KCNN4: variants seen among roughly 807,000 people sequenced by gnomAD.
KCNN4 encodes intermediate conductance calcium-activated potassium channel protein 4.
Under a neutral mutation model 45.2 loss-of-function variants are expected in KCNN4, and 31 were observed. The ratio of observed to expected loss-of-function variants is 0.69; its 90% CI spans 0.52 to 0.92. The LOEUF (loss-of-function observed/expected upper bound fraction) is 0.92. Ranked by LOEUF, KCNN4 falls within the 40% of genes least tolerant of loss-of-function variation. The pLI, the probability that KCNN4 is intolerant of heterozygous loss-of-function variation, is 0.00. For missense variants in KCNN4, 463 were observed against 574.0 expected (o/e 0.81, Z 1.98); for synonymous variants, 231 against 254.6 (o/e 0.91, Z 0.88).
In KCNN4 at chr19:43,774,120, A is replaced by AGGGGG; in HGVS notation, c.683+71_683+72insCCCCC. On this transcript the variant is annotated intron_variant, in intron 3 of 8. Transcript: ENST00000648319. This position sits in a 1 kb window ranked among gnomAD's most constrained non-coding sequence, Gnocchi z 5.6. ...TTGGTCCTAGGGGGCCTCAACCTGC[A>AGGGGG]CCGCGGCACAGGACGGCCGCCGTGG... The AGGGGG allele has an allele frequency of 6.8e-7, 1 of 1,459,948 alleles. No homozygotes were observed. Among genetic ancestry groups the AGGGGG allele is most frequent in the Non-Finnish European group, 9.3e-7 (1 of 1,078,980 alleles). The allele number at this position is 1,459,948 out of a possible 1,614,324, so 90.4% of individuals were successfully genotyped here.
In KCNN4 at chr19:43,772,180, T is replaced by G; in HGVS notation, c.684-45A>C. 6.2e-7 allele frequency: 1 copy of G among 1,601,756 alleles called. No individual in the cohort carries two copies. The highest frequency in any genetic ancestry group is 1.1e-5 in the South Asian group (1 of 89,140). ...AGTTCTAAAACCCCACCATAGAGGT[T>G]TCCATGATATTCACTCCCCTTCCCT... On this transcript the variant is annotated intron_variant, in intron 3 of 8. Coordinates refer to ENST00000648319, the MANE Select transcript of KCNN4 (RefSeq NM_002250.3). The surrounding 1 kb of genome is among the most constrained non-coding windows in gnomAD (Gnocchi z 4.4).
chr19:43,776,506 G>A (rs1025561059), intron 2 of KCNN4, 35 bp downstream of exon 2: 3 of 1,431,960 alleles, frequency 2.1e-6, no homozygotes, highest in Non-Finnish European at 3.0e-6. Flanking sequence ...GAGGGGGTTG[G>A]AGGGAGCAAG....
In KCNN4 at chr19:43,774,130, A is replaced by G. The variant is rs1037182362; in HGVS notation, c.683+62T>C. ...GGGGCCTCAACCTGCACCGCGGCAC[A>G]GGACGGCCGCCGTGGCTGTCCGGGG... On this transcript the variant is annotated intron_variant, in intron 3 of 8. Coordinates refer to ENST00000648319, the MANE Select transcript of KCNN4 (RefSeq NM_002250.3). This position sits in a 1 kb window ranked among gnomAD's most constrained non-coding sequence, Gnocchi z 5.6. 6.6e-7 allele frequency: 1 copy of G among 1,504,612 alleles called. No individual in the cohort carries two copies. The highest frequency in any genetic ancestry group is 2.0e-5 in the Admixed American group (1 of 50,850). The allele number at this position is 1,504,612 out of a possible 1,614,324, so 93.2% of individuals were successfully genotyped here. A position where few individuals can be genotyped will look rare whatever the true frequency, so the allele number is the denominator to read the frequency against.
chr19:43,774,382 G>A lies in KCNN4; in HGVS notation c.493C>T (p.Arg165Cys). Residue 165 changes from arginine (R) to cysteine (C), a missense_variant, in exon 3 of 9, where the codon CGC becomes TGC. Arg to Cys is a radical substitution (Grantham distance 180). Transcript: ENST00000648319. This position sits in a 1 kb window ranked among gnomAD's most constrained non-coding sequence, Gnocchi z 5.6. ...AMLLRLYLVP[R>C]AVLLRSGVLL... The stretch of plus-strand genomic sequence containing the variant: ...ACGCCGCTGCGCAGGAGCACGGCGC[G>A]GGGCACCAGGTAGAGACGCAGCAGC... 6.2e-7 allele frequency: 1 copy of A among 1,603,056 alleles called. No individual in the cohort carries two copies. Among genetic ancestry groups the A allele is most frequent in the Non-Finnish European group, 8.5e-7 (1 of 1,175,170 alleles).
rs572409216 is a variant in KCNN4 at position 43,779,723 on chromosome 19, A to G, written c.159+980T>C. On this transcript the variant is annotated intron_variant, in intron 1 of 8. Coordinates refer to ENST00000648319, the MANE Select transcript of KCNN4 (RefSeq NM_002250.3). Reference sequence around the variant, plus strand: ...CTTTCCCCTTTCTTCCCTACTCACCACTCATCTTCGGAGTCAGCCCCTCTT... The same window carrying G: ...CTTTCCCCTTTCTTCCCTACTCACCGCTCATCTTCGGAGTCAGCCCCTCTT... Among the ~76,000 whole-genome samples the G allele has an allele frequency of 2.0e-5, 3 of 151,080 alleles. No homozygotes were observed. In the South Asian group the frequency reaches 6.3e-4, roughly 32 times the overall value.
At chr19:43,771,167 T>C (rs1186386935) in intron 4 of KCNN4, among the ~76,000 whole-genome samples, 2 of 151,764 alleles carry the variant, frequency 1.3e-5, no homozygotes, top group Non-Finnish European at 2.9e-5. Context: ...AGTGACTGGG[T>C]CTATGGAGGG....
At chr19:43,773,707 A>G (rs1331145804) in intron 3 of KCNN4, among the ~76,000 whole-genome samples, 1 of 152,194 alleles carries the variant, frequency 6.6e-6, no homozygotes, top group African/African-American at 2.4e-5. Context: ...ACCAGGATCT[A>G]GTTCCAATTC....
At chr19:43,768,363 T>C (rs1416598229) in intron 7 of KCNN4, among the ~76,000 whole-genome samples, 1 of 152,234 alleles carries the variant, frequency 6.6e-6, no homozygotes, top group Admixed American at 6.5e-5. Flanking sequence ...AAGCAGAAGA[T>C]GCTGTGAGCC....
At chr19:43,778,863 A>G (rs1429823096) in intron 1 of KCNN4, among the ~76,000 whole-genome samples, 1 of 151,856 alleles carries the variant, frequency 6.6e-6, no homozygotes, top group African/African-American at 2.4e-5. Context: ...AGCTCATTAG[A>G]TTGAGATGGA....
chr19:43,774,158 C>A lies in KCNN4; in HGVS notation c.683+34G>T, dbSNP rs765250761. On this transcript the variant is annotated intron_variant, in intron 3 of 8. Coordinates refer to ENST00000648319, the MANE Select transcript of KCNN4 (RefSeq NM_002250.3). The surrounding 1 kb of genome is among the most constrained non-coding windows in gnomAD (Gnocchi z 5.6). ...ACGGCCGCCGTGGCTGTCCGGGGTT[C>A]CCCCCTGCGCATTTATGCCTCCATC... 1.1e-4 allele frequency: 174 copies of A among 1,575,132 alleles called. No individual in the cohort carries two copies. Among genetic ancestry groups the A allele is most frequent in the Non-Finnish European group, 1.5e-4 (168 of 1,157,002 alleles).
At chr19:43,778,577 C>T (rs1271650220) in intron 1 of KCNN4, among the ~76,000 whole-genome samples, 1 of 152,200 alleles carries the variant, frequency 6.6e-6, no homozygotes, top group African/African-American at 2.4e-5. Flanking sequence ...GTATCTCTCA[C>T]TGGTGGATTT....
Position 43,780,852 on chromosome 19 carries a change from C to A in KCNN4, c.10G>T (p.Asp4Tyr). Residue 4 changes from aspartate to tyrosine, a missense_variant, in exon 1 of 9, where the codon GAT (aspartate) becomes TAT (tyrosine). Asp to Tyr is a radical substitution (Grantham distance 160, BLOSUM62 -3). This residue lies in a region of KCNN4 where 225 missense variants were observed against 240.9 expected (regional missense o/e 0.93). Coordinates refer to ENST00000648319, the MANE Select transcript of KCNN4 (RefSeq NM_002250.3). MGG[D>Y]LVLGLGALRR... ...AAGGCCCCCAGGCCAAGCACCAGAT[C>A]CCCGCCCATGGCCCCCGGGGTCTTG... is the stretch of plus-strand genomic sequence containing the variant. The A allele has an allele frequency of 6.2e-7, 1 of 1,613,978 alleles. No homozygotes were observed. Among genetic ancestry groups the A allele is most frequent in the Non-Finnish European group, 8.5e-7 (1 of 1,179,946 alleles).
chr19:43,767,734 G>A, intron 7 of KCNN4, 27 bp from the exon 8 acceptor site: 2 of 1,613,410 alleles, frequency 1.2e-6, no homozygotes, highest in Non-Finnish European at 1.7e-6. Flanking sequence ...GATCAGAGGT[G>A]TCGGGGCTGG....
chr19:43,780,080 C>T (rs1242726558), intron 1 of KCNN4, among the ~76,000 whole-genome samples: 1 of 152,034 alleles, frequency 6.6e-6, no homozygotes, highest in East Asian at 1.9e-4. Context: ...ACTGGAAGAA[C>T]TTTGTCTTTC....
In KCNN4 at chr19:43,769,411, T is replaced by C. The variant is rs762967192; in HGVS notation, c.1049+31A>G. 2.0e-6 allele frequency: 3 copies of C among 1,523,584 alleles called. No individual in the cohort carries two copies. The highest frequency in any genetic ancestry group is 2.3e-5 in the East Asian group (1 of 44,444). The allele number at this position is 1,523,584 out of a possible 1,614,324, so 94.4% of individuals were successfully genotyped here. On this transcript the variant is annotated intron_variant, in intron 6 of 8. Coordinates refer to ENST00000648319, the MANE Select transcript of KCNN4 (RefSeq NM_002250.3). This position sits in a 1 kb window ranked among gnomAD's most constrained non-coding sequence, Gnocchi z 4.4. The stretch of plus-strand genomic sequence containing the variant: ...GAGGTGACTTGGACATGGGTGCACA[T>C]GGACACGTGTGCATACAAAGCGGCC...
rs769323750 is a variant in KCNN4 at position 43,769,278 on chromosome 19, T to G, written c.1049+164A>C. On this transcript the variant is annotated intron_variant, in intron 6 of 8. Transcript: ENST00000648319. This position sits in a 1 kb window ranked among gnomAD's most constrained non-coding sequence, Gnocchi z 4.4. Reference sequence around the variant, plus strand: ...GCGGAGACAAACCAGCACAGACACATAGAGTCATGCACGGTCAGATCCAGG... The same window carrying G: ...GCGGAGACAAACCAGCACAGACACAGAGAGTCATGCACGGTCAGATCCAGG... 4.4e-6 allele frequency: 3 copies of G among 679,892 alleles called. No homozygotes were observed. The highest frequency in any genetic ancestry group is 2.6e-6 in the Non-Finnish European group (1 of 389,510). 42.1% of individuals were successfully genotyped at this position (679,892 alleles called of 1,614,324 possible). A position where few individuals can be genotyped will look rare whatever the true frequency, so the allele number is the denominator to read the frequency against.
chr19:43,775,509 G>T (rs1969775917), intron 2 of KCNN4, among the ~76,000 whole-genome samples: 1 of 152,158 alleles, frequency 6.6e-6, no homozygotes, highest in African/African-American at 2.4e-5. Flanking sequence ...CCTTCCATGG[G>T]CAATGGCGCA....
chr19:43,775,824 G>A (rs1969784642), intron 2 of KCNN4, among the ~76,000 whole-genome samples: 1 of 151,974 alleles, frequency 6.6e-6, no homozygotes, highest in Non-Finnish European at 1.5e-5. Context: ...GGGTGATTAG[G>A]AGTGGGCACC....
intron 1 of KCNN4, among the ~76,000 whole-genome samples, chr19:43,779,672 G>A (rs1012724769): frequency 5.8e-4 from 89 of 152,160 alleles, no homozygotes; most frequent in African/African-American, 2.1e-3. Context: ...TGTGACGGGA[G>A]CCTGCTGAGA....
Sources: gnomAD v4.1 joint callset for allele counts (sites outside exome capture counted in the v4.1 genomes callset) on GRCh38, gnomAD v4.1.1 for gene constraint, gnomAD v4.1.1 regional missense constraint, Gnocchi (gnomAD v3.1) non-coding constraint, MANE v1.5 for transcripts, NCBI Gene and HGNC (gene_info 2026-07-23, HGNC 2026-07-21) for gene names.